Variants in NAALADL2 observed in about 807,000 individuals in gnomAD.
NAALADL2 encodes the protein N-acetylated alpha-linked acidic dipeptidase like 2, also known as inactive N-acetylated-alpha-linked acidic dipeptidase-like protein 2.
In NAALADL2, 76 loss-of-function variants were observed where a neutral mutation model predicts 87.2. The ratio of observed to expected loss-of-function variants is 0.87; its 90% CI spans 0.72 to 1.05. NAALADL2 has a LOEUF of 1.05. Among genes scored for constraint, NAALADL2 ranks in the 50% least tolerant of loss-of-function variants. The probability of loss-of-function intolerance (pLI) is 0.00; values close to 1 mark genes in which losing one functional copy is unlikely to be tolerated. For synonymous variants in NAALADL2, 354 were observed against 331.0 expected (o/e 1.07, Z -0.75); for missense variants, 1,089 against 945.8 (o/e 1.15, Z -1.99).
At chr3:174,895,611 C>T (rs1030155416) in intron 1 of NAALADL2, among the ~76,000 whole-genome samples, 23 of 152,068 alleles carry the variant, frequency 1.5e-4, no homozygotes, top group African/African-American at 5.3e-4. Context: ...TGAAGAATAA[C>T]GAACACCAAT....
At chr3:175,055,034 G>A (rs1380318373) in intron 1 of NAALADL2, among the ~76,000 whole-genome samples, 1 of 152,174 alleles carries the variant, frequency 6.6e-6, no homozygotes, top group African/African-American at 2.4e-5. Context: ...TTGGCCACAC[G>A]GATAGCCAGT....
Position 175,721,989 on chromosome 3 carries a change from C to T in NAALADL2, c.1897-15317C>T, listed in dbSNP as rs150313674. Among the ~76,000 whole-genome samples the T allele has an allele frequency of 4.3e-3, 647 of 152,062 alleles. 3 individuals carry two copies. Among genetic ancestry groups the T allele is most frequent in the South Asian group, 0.022 (105 of 4,810 alleles). The stretch of plus-strand genomic sequence containing the variant: ...TGGTATGTTTACCAAATTTTCCATT[C>T]GTATTTCATATTTTCATCATACACA... On this transcript the variant is annotated intron_variant, in intron 11 of 13. Transcript: ENST00000454872.
intron 11 of NAALADL2, chr3:175,676,381 A>G (rs1734783103): frequency 6.6e-6 from 1 of 152,152 alleles, no homozygotes; most frequent in Admixed American, 6.5e-5. Context: ...AGTAAGTAGG[A>G]TGTTCTCCCA....
intron 1 of NAALADL2, among the ~76,000 whole-genome samples, chr3:174,467,233 A>G (rs1716591541): frequency 6.6e-6 from 1 of 152,174 alleles, no homozygotes; most frequent in Non-Finnish European, 1.5e-5. Flanking sequence ...ATTTCAGCAG[A>G]TATTTTTATA....
intron 10 of NAALADL2, among the ~76,000 whole-genome samples, chr3:175,625,973 A>G (rs1030609462): frequency 2.0e-4 from 31 of 151,980 alleles, no homozygotes; most frequent in African/African-American, 6.8e-4. Flanking sequence ...TACTAACCCT[A>G]TGTGACAAAA....
chr3:174,581,429 A>G (rs1024618633), intron 2 of NAALADL2, among the ~76,000 whole-genome samples: 1 of 152,176 alleles, frequency 6.6e-6, no homozygotes, highest in Non-Finnish European at 1.5e-5. Context: ...GCAGATTAAT[A>G]ATATGTATAA....
chr3:174,932,852 T>A (rs1737124824), intron 1 of NAALADL2, among the ~76,000 whole-genome samples: 2 of 152,190 alleles, frequency 1.3e-5, no homozygotes, highest in African/African-American at 4.8e-5. Context: ...GCACGGTGGC[T>A]CACACCTATA....
chr3:174,942,653 T>G (rs925478851), intron 1 of NAALADL2, among the ~76,000 whole-genome samples: 1 of 152,120 alleles, frequency 6.6e-6, no homozygotes, highest in African/African-American at 2.4e-5. Flanking sequence ...TTTCTCCCCC[T>G]CCTTTTCAGG....
At chr3:175,180,920 G>A (rs770050750) in intron 2 of NAALADL2, among the ~76,000 whole-genome samples, 1 of 151,968 alleles carries the variant, frequency 6.6e-6, no homozygotes, top group Admixed American at 6.6e-5. Context: ...AGTCACATAG[G>A]TGATAGACTG....
intron 1 of NAALADL2, among the ~76,000 whole-genome samples, chr3:175,047,105 C>T (rs763932314): frequency 3.9e-5 from 6 of 152,096 alleles, no homozygotes; most frequent in Admixed American, 6.6e-5. Context: ...ACAATGGCTC[C>T]ACTGTCATGA....
intron 1 of NAALADL2, among the ~76,000 whole-genome samples, chr3:174,939,965 ACTT>A (rs1324367305): frequency 6.6e-6 from 1 of 152,082 alleles, no homozygotes; most frequent in Non-Finnish European, 1.5e-5. Context: ...AAATAGCTTG[ACTT>A]CTTCTCTTCC....
rs753061926 is a variant in NAALADL2 at position 175,803,208 on chromosome 3, ACT to A, written c.*8_*9del. ...GTCTTGGATGGGAAGAATTGAGAAA[ACT>A]CTGAGCATTTTTAAAAGTTTGTTTA... is the stretch of plus-strand genomic sequence containing the variant. On this transcript the variant is annotated 3_prime_UTR_variant, in exon 14 of 14. Coordinates refer to ENST00000454872, the MANE Select transcript of NAALADL2 (RefSeq NM_207015.3). The A allele has an allele frequency of 2.2e-5, 35 of 1,578,606 alleles. No homozygotes were observed. The highest frequency in any genetic ancestry group is 1.4e-5 in the African/African-American group (1 of 73,600).
chr3:174,654,643 C>T (rs982780777), intron 2 of NAALADL2, among the ~76,000 whole-genome samples: 1 of 152,150 alleles, frequency 6.6e-6, no homozygotes, highest in Admixed American at 6.6e-5. Context: ...TACCTGCTGC[C>T]ATGTTTTCTT....
chr3:174,605,931 G>C (rs1029996593), intron 2 of NAALADL2, among the ~76,000 whole-genome samples: 22 of 152,174 alleles, frequency 1.4e-4, no homozygotes, highest in Non-Finnish European at 2.9e-4. Context: ...AGTAGGGGCA[G>C]ACTGACACCT....
intron 2 of NAALADL2, among the ~76,000 whole-genome samples, chr3:175,129,610 T>C (rs565572165): frequency 2.0e-5 from 3 of 152,346 alleles, no homozygotes; most frequent in South Asian, 4.1e-4. Flanking sequence ...GATTAAGATA[T>C]GTTATTACAA....
chr3:175,289,364 T>G (rs12638650), intron 4 of NAALADL2, among the ~76,000 whole-genome samples: 17 of 151,538 alleles, frequency 1.1e-4, no homozygotes, highest in Non-Finnish European at 2.5e-4. Flanking sequence ...ATAAGTACAA[T>G]AATAGATGTC....
intron 4 of NAALADL2, among the ~76,000 whole-genome samples, chr3:175,281,874 A>T (rs915772932): frequency 6.6e-6 from 1 of 152,002 alleles, no homozygotes; most frequent in African/African-American, 2.4e-5. Context: ...ACTTAACAAA[A>T]TACTTTATGA....
chr3:175,635,844 A>G (rs2149741649), intron 11 of NAALADL2, among the ~76,000 whole-genome samples: 1 of 152,306 alleles, frequency 6.6e-6, no homozygotes, highest in South Asian at 2.1e-4. Flanking sequence ...GCATAACAGA[A>G]TAACTCTAGG....
intron 13 of NAALADL2, among the ~76,000 whole-genome samples, chr3:175,787,045 C>CA (rs1234020775): frequency 1.3e-5 from 2 of 151,930 alleles, no homozygotes; most frequent in African/African-American, 4.8e-5. Context: ...GTCAGGGACC[C>CA]ACTTGAGGAG....
Sources: allele counts gnomAD v4.1 joint callset (sites outside exome capture counted in the v4.1 genomes callset), GRCh38; gene constraint gnomAD v4.1.1; transcripts MANE v1.5; gene names NCBI Gene and HGNC (gene_info 2026-07-23, HGNC 2026-07-21).